LIG3: variants seen among roughly 807,000 people sequenced by gnomAD.
LIG3 encodes the protein DNA ligase 3.
Under a neutral mutation model 110.9 loss-of-function variants are expected in LIG3, and 58 were observed. The observed-to-expected ratio is 0.52, with a 90% CI of 0.42 to 0.65. LIG3 has a LOEUF of 0.65. LIG3 is among the 30% of genes least tolerant of loss of function. The pLI is 0.00. For synonymous variants in LIG3, 422 were observed against 472.8 expected, an observed-to-expected ratio of 0.89 and a Z score of 1.39; for missense variants, 1,094 against 1,273.8, an observed-to-expected ratio of 0.86 and a Z score of 2.15.
At chr17:34,999,945 A>G (rs2090822556) in intron 16 of LIG3, 89 bp downstream of exon 16, 4 of 1,055,252 alleles carry the variant, frequency 3.8e-6, no homozygotes, top group South Asian at 2.7e-5. Flanking sequence ...CACCTCGCTG[A>G]AAGTCCACCC....
At position 35,003,186 on chromosome 17, in the gene LIG3, C is replaced by G. The variant is rs770693878; in HGVS notation, c.2796+397C>G. ...GTTTGTGGTCAGGGTGGAAGCAGGT[C>G]CAGCAAGCAGCGAGTCGGGGAGAGG... is the stretch of plus-strand genomic sequence containing the variant. On this transcript the variant is annotated intron_variant, in intron 19 of 19. Transcript: ENST00000378526. 5.3e-6 allele frequency: 8 copies of G among 1,504,736 alleles called. No homozygotes were observed. In the South Asian group the frequency reaches 9.1e-5, roughly 17 times the overall value. The allele number at this position is 1,504,736 out of a possible 1,614,324, so 93.2% of individuals were successfully genotyped here. A position where few individuals can be genotyped will look rare whatever the true frequency, so the allele number is the denominator to read the frequency against.
chr17:34,981,316 T>C (rs1197909541), intron 1 of LIG3, among the ~76,000 whole-genome samples: 2 of 152,252 alleles, frequency 1.3e-5, no homozygotes, highest in African/African-American at 4.8e-5. Context: ...GAAACTCACT[T>C]GTTCTGACCT....
intron 19 of LIG3, chr17:35,003,037 G>A: frequency 1.2e-6 from 2 of 1,614,186 alleles, no homozygotes; most frequent in Non-Finnish European, 1.7e-6. Flanking sequence ...TGTGCCAGCA[G>A]GCAGGAGATA....
Position 34,991,839 on chromosome 17 carries a change from TGG to T in LIG3, c.1208+6_1208+7del. ...GGCCCTACAGGACATTGCCTCCAGG[TGG>T]GGGAGCTGCCTCCGTCAAACCATGC... On this transcript the variant is annotated splice_donor_region_variant and intron_variant, in intron 6 of 19. Transcript: ENST00000378526. 1 of 1,613,912 alleles carries T rather than the reference TGG, an allele frequency of 6.2e-7. No individual in the cohort carries two copies. The highest frequency in any genetic ancestry group is 1.1e-5 in the South Asian group (1 of 91,064).
chr17:34,989,437 T>A (rs1423139463), intron 3 of LIG3, 29 bp from the exon 4 acceptor site: 1 of 1,592,826 alleles, frequency 6.3e-7, no homozygotes, highest in African/African-American at 1.3e-5. Context: ...AAAGGCAGAA[T>A]GAATTCATCT....
chr17:34,983,925 C>T (rs927360919), intron 2 of LIG3, among the ~76,000 whole-genome samples: 1 of 152,230 alleles, frequency 6.6e-6, no homozygotes, highest in African/African-American at 2.4e-5. Context: ...TTTGCTTTAT[C>T]ATATTTGTTC....
At position 35,005,460 on chromosome 17, in the gene LIG3, GA is replaced by G. The variant is rs1383118257; in HGVS notation, c.*956del. 3.6e-6 allele frequency: 2 copies of G among 560,790 alleles called. No individual in the cohort carries two copies. Among genetic ancestry groups the G allele is most frequent in the Non-Finnish European group, 7.2e-6 (2 of 276,702 alleles). 34.7% of individuals were successfully genotyped at this position (560,790 alleles called of 1,614,324 possible). On this transcript the variant is annotated 3_prime_UTR_variant, in exon 20 of 20. Coordinates refer to ENST00000378526, the MANE Select transcript of LIG3 (RefSeq NM_013975.4). ...GGAGGAATAATTATATGATATTGTTGAACCCCCAAGTATTGGCTGATGAACG... is the reference window on the plus strand; with the variant it reads ...GGAGGAATAATTATATGATATTGTTGACCCCCAAGTATTGGCTGATGAACG...
intron 12 of LIG3, 51 bp downstream of exon 12, chr17:34,997,876 C>A (rs773770893): frequency 7.4e-7 from 1 of 1,353,900 alleles, no homozygotes; most frequent in Non-Finnish European, 1.1e-6. Context: ...GAAAGCAGGG[C>A]AGAGAACTCC....
chr17:34,983,691 T>A, intron 2 of LIG3, 139 bp downstream of exon 2: 1 of 850,700 alleles, frequency 1.2e-6, no homozygotes, highest in Non-Finnish European at 1.8e-6. Flanking sequence ...GGCCAGTGTT[T>A]AATGTTGCAT....
In LIG3 at chr17:35,004,627, C is replaced by T; in HGVS notation, c.*121C>T. ...ATGGGCTTGCTTCTCCCAAACCCAC[C>T]AGTTCTCCACTGTCTCTTCTGGACC... On this transcript the variant is annotated 3_prime_UTR_variant, in exon 20 of 20. Coordinates refer to ENST00000378526, the MANE Select transcript of LIG3 (RefSeq NM_013975.4). The T allele has an allele frequency of 1.4e-6, 1 of 720,228 alleles. No homozygotes were observed. The highest frequency in any genetic ancestry group is 2.3e-6 in the Non-Finnish European group (1 of 426,752). The allele number at this position is 720,228 out of a possible 1,614,324, so 44.6% of individuals were successfully genotyped here.
In LIG3 at chr17:34,980,652, G is replaced by A. The variant is rs981606750; in HGVS notation, c.-5+30G>A. The A allele has an allele frequency of 4.3e-6, 5 of 1,173,438 alleles. No individual in the cohort carries two copies. In the African/African-American group the frequency reaches 5.4e-5, roughly 13 times the overall value. The allele number at this position is 1,173,438 out of a possible 1,614,324, so 72.7% of individuals were successfully genotyped here. On this transcript the variant is annotated intron_variant, in intron 1 of 19. Coordinates refer to ENST00000378526, the MANE Select transcript of LIG3 (RefSeq NM_013975.4). ...GGGGCTACGCGGCGCGGCACGGCGC[G>A]GCGGGGCCCGGCGTGGGGAAGGCAG...
chr17:34,997,526 C>CT (rs2090791349), intron 11 of LIG3: 2 of 546,988 alleles, frequency 3.7e-6, no homozygotes, highest in East Asian at 6.1e-5. Context: ...CAACTATGAA[C>CT]TGGCTCTATG....
chr17:34,983,497 A>G lies in LIG3; in HGVS notation c.492A>G (p.Glu164=). Reference sequence around the variant, plus strand: ...AAATCGAGGACCTCACAGAGCTGGAAGGCTGGGAAGAGCTGGAAGATAATG... The same window carrying G: ...AAATCGAGGACCTCACAGAGCTGGAGGGCTGGGAAGAGCTGGAAGATAATG... The part of the protein sequence containing the change: ...TKKIEDLTEL[E]GWEELEDNEK... Residue 164 remains glutamate (E), a synonymous_variant, in exon 2 of 20, where the codon GAA becomes GAG. Transcript: ENST00000378526. 2 of 1,614,146 alleles carry G rather than the reference A, an allele frequency of 1.2e-6. No individual in the cohort carries two copies. Among genetic ancestry groups the G allele is most frequent in the South Asian group, 1.1e-5 (1 of 91,064 alleles).
At chr17:34,991,226 C>G in intron 5 of LIG3, 112 bp downstream of exon 5, 1 of 1,035,374 alleles carries the variant, frequency 9.7e-7, no homozygotes, top group South Asian at 1.6e-5. Context: ...TTTTAGGAAA[C>G]TGAAACCCAT....
intron 1 of LIG3, among the ~76,000 whole-genome samples, chr17:34,981,866 T>C (rs923881894): frequency 1.3e-5 from 2 of 152,250 alleles, no homozygotes; most frequent in Admixed American, 6.5e-5. Flanking sequence ...TCTTTTTCCA[T>C]TTGGATTGAT....
Position 34,992,050 on chromosome 17 carries a change from C to G in LIG3, c.1286+15C>G. 6.2e-7 allele frequency: 1 copy of G among 1,607,112 alleles called. No individual in the cohort carries two copies. Among genetic ancestry groups the G allele is most frequent in the Non-Finnish European group, 8.5e-7 (1 of 1,173,628 alleles). ...GCAAAACATGTGTAAGTAGCAGCTC[C>G]GCTGACAGCCTGAGCTGTCATTTGT... On this transcript the variant is annotated intron_variant, in intron 7 of 19. Transcript: ENST00000378526.
At chr17:34,987,588 GCCTAGA>G (rs963534365) in intron 3 of LIG3, among the ~76,000 whole-genome samples, 2 of 152,190 alleles carry the variant, frequency 1.3e-5, no homozygotes, top group Non-Finnish European at 2.9e-5. Context: ...ATTGAAAGAA[GCCTAGA>G]CCTGAGGTCA....
chr17:34,999,050 T>C (rs1200584473), intron 14 of LIG3: 1 of 518,438 alleles, frequency 1.9e-6, no homozygotes, highest in African/African-American at 1.9e-5. Flanking sequence ...AACTAATACT[T>C]TTAAGCAATC....
rs774426799 is a variant in LIG3 at position 34,994,445 on chromosome 17, C to T, written c.1611+14C>T. 2 of 1,610,784 alleles carry T rather than the reference C, an allele frequency of 1.2e-6. No individual in the cohort carries two copies. Among genetic ancestry groups the T allele is most frequent in the Non-Finnish European group, 1.7e-6 (2 of 1,178,368 alleles). ...CTTCCTCACAAGGTATGAGTGCCTT[C>T]CTTTCTGCCAGGACCGTCTTTCCCC... On this transcript the variant is annotated intron_variant, in intron 9 of 19. Coordinates refer to ENST00000378526, the MANE Select transcript of LIG3 (RefSeq NM_013975.4).
Sources: allele counts gnomAD v4.1 joint callset (sites outside exome capture counted in the v4.1 genomes callset), GRCh38; gene constraint gnomAD v4.1.1; transcripts MANE v1.5; gene names NCBI Gene and HGNC (gene_info 2026-07-23, HGNC 2026-07-21).